Variants in TSHZ2 observed in about 807,000 individuals in gnomAD.
The protein encoded by TSHZ2 is teashirt homolog 2.
In TSHZ2, 21 loss-of-function variants were observed where a neutral mutation model predicts 74.4. The observed-to-expected ratio is 0.28, with a 90% CI of 0.20 to 0.41. The LOEUF is 0.41. Among genes scored for constraint, TSHZ2 ranks in the 10% least tolerant of loss-of-function variants. The pLI is 1.00. For synonymous variants in TSHZ2, 540 were observed against 515.3 expected, an observed-to-expected ratio of 1.05 and a Z score of -0.65; for missense variants, 1,244 against 1,293.5, an observed-to-expected ratio of 0.96 and a Z score of 0.59.
At chr20:53,463,270 A>G (rs1267542412) in intron 2 of TSHZ2, among the ~76,000 whole-genome samples, 1 of 152,016 alleles carries the variant, frequency 6.6e-6, no homozygotes, top group Non-Finnish European at 1.5e-5. Flanking sequence ...GATGCCTGCA[A>G]TCTTAGCACT....
In TSHZ2 at chr20:53,155,052, A is replaced by ATTTTTTTTTT. The variant is rs11475183; in HGVS notation, c.41-98433_41-98424dup. 5.5e-4 allele frequency among the ~76,000 whole-genome samples: 65 copies of ATTTTTTTTTT among 118,078 alleles called. 1 individual carries two copies. The highest frequency in any genetic ancestry group is 7.7e-4 in the Non-Finnish European group (44 of 57,294). The allele number at this position is 118,078 out of a possible 152,430, so 77.5% of individuals were successfully genotyped here. A position where few individuals can be genotyped will look rare whatever the true frequency, so the allele number is the denominator to read the frequency against. On this transcript the variant is annotated intron_variant, in intron 1 of 2. Transcript: ENST00000371497. ...TTCTAAGACAGGTGTTTGAATATGC[A>ATTTTTTTTTT]TTTTTTTTTTTTTTTTTTTTTTTAG...
At chr20:53,276,030 A>G (rs1461496599) in intron 2 of TSHZ2, among the ~76,000 whole-genome samples, 4 of 152,250 alleles carry the variant, frequency 2.6e-5, no homozygotes, top group Non-Finnish European at 5.9e-5. Context: ...AAAGTTAAGT[A>G]AAATAAGAAA....
chr20:53,492,239 C>G lies in TSHZ2; in HGVS notation c.*5104C>G, dbSNP rs1447757097. On this transcript the variant is annotated 3_prime_UTR_variant, in exon 3 of 3. Coordinates refer to ENST00000371497, the MANE Select transcript of TSHZ2 (RefSeq NM_173485.6). ...TACAATTATGTCTCAAATGTGAAGACTTTGTACAGTAATATTTTCACTTTC... is the reference window on the plus strand; with the variant it reads ...TACAATTATGTCTCAAATGTGAAGAGTTTGTACAGTAATATTTTCACTTTC... 6.6e-6 allele frequency: 1 copy of G among 152,152 alleles called. No homozygotes were observed. The highest frequency in any genetic ancestry group is 1.5e-5 in the Non-Finnish European group (1 of 68,032). The allele number at this position is 152,152 out of a possible 1,614,324, so 9.4% of individuals were successfully genotyped here.
At chr20:53,129,986 G>C (rs866634302) in intron 1 of TSHZ2, among the ~76,000 whole-genome samples, 2 of 151,682 alleles carry the variant, frequency 1.3e-5, no homozygotes, top group Non-Finnish European at 2.9e-5. Flanking sequence ...GCCGGCAAAA[G>C]GTGTTCTTAG....
chr20:53,009,671 A>G (rs1290569598), intron 1 of TSHZ2, among the ~76,000 whole-genome samples: 1 of 152,174 alleles, frequency 6.6e-6, no homozygotes, highest in Non-Finnish European at 1.5e-5. Context: ...TTTAGCCCCA[A>G]AGTTTAGAAG....
intron 1 of TSHZ2, among the ~76,000 whole-genome samples, chr20:53,011,879 G>T (rs1196433956): frequency 1.3e-5 from 2 of 152,054 alleles, no homozygotes; most frequent in Admixed American, 6.6e-5. Context: ...TTCCCAATAG[G>T]GTCATTCTTT....
intron 1 of TSHZ2, chr20:53,178,313 C>A (rs576693253): frequency 2.6e-5 from 4 of 152,362 alleles, no homozygotes; most frequent in Admixed American, 1.3e-4. Flanking sequence ...AGAAAGGCAG[C>A]ACAGCCCCTG....
intron 2 of TSHZ2, among the ~76,000 whole-genome samples, chr20:53,486,730 T>C (rs1042974305): frequency 6.6e-6 from 1 of 152,138 alleles, no homozygotes; most frequent in Admixed American, 6.5e-5. Flanking sequence ...AGAGGGTACA[T>C]GTGCAGTTTG....
chr20:53,032,842 G>T (rs1983687693), intron 1 of TSHZ2, among the ~76,000 whole-genome samples: 1 of 151,786 alleles, frequency 6.6e-6, no homozygotes, highest in African/African-American at 2.4e-5. Context: ...CATAAATCCT[G>T]CCCTTACCAC....
intron 1 of TSHZ2, among the ~76,000 whole-genome samples, chr20:53,202,965 C>T (rs1457799888): frequency 6.6e-6 from 1 of 152,080 alleles, no homozygotes; most frequent in Non-Finnish European, 1.5e-5. Flanking sequence ...TGTACAAAGC[C>T]ATTAGCGATG....
chr20:53,409,595 T>C (rs1379100655), intron 2 of TSHZ2, among the ~76,000 whole-genome samples: 2 of 152,200 alleles, frequency 1.3e-5, no homozygotes, highest in African/African-American at 4.8e-5. Context: ...TTCAGGATGT[T>C]GTTTGATAAA....
chr20:53,188,011 G>A lies in TSHZ2; in HGVS notation c.41-65488G>A, dbSNP rs1447901867. On this transcript the variant is annotated intron_variant, in intron 1 of 2. Transcript: ENST00000371497. ...AATGTGGCACGAAGCAAGTCTGGAA[G>A]ACTTTCTGTTCCTGGAACTGAAGGT... is the stretch of plus-strand genomic sequence containing the variant. Among the ~76,000 whole-genome samples the A allele has an allele frequency of 2.6e-5, 4 of 152,250 alleles. No individual in the cohort carries two copies. In the East Asian group the frequency reaches 7.7e-4, roughly 29 times the overall value.
rs527668481 is a variant in TSHZ2 at position 53,365,614 on chromosome 20, TCC to T, written c.*8+109047_*8+109048del. Among the ~76,000 whole-genome samples the T allele has an allele frequency of 9.5e-3, 1,439 of 152,238 alleles. 17 individuals are homozygous for T. Among genetic ancestry groups the T allele is most frequent in the Middle Eastern group, 0.027 (8 of 294 alleles). ...GGATCCTGACAAAGCAAAGGTGTGG[TCC>T]CCCACCTCAGGTGACAGGCAGTGGT... On this transcript the variant is annotated intron_variant, in intron 2 of 2. Transcript: ENST00000371497.
intron 1 of TSHZ2, among the ~76,000 whole-genome samples, chr20:53,015,707 T>C (rs1336154093): frequency 2.0e-5 from 3 of 152,084 alleles, no homozygotes; most frequent in African/African-American, 7.2e-5. Context: ...TTGGAAGAAA[T>C]GGAATCAGAA....
chr20:53,202,176 A>G (rs1163084204), intron 1 of TSHZ2, among the ~76,000 whole-genome samples: 1 of 152,054 alleles, frequency 6.6e-6, no homozygotes, highest in Non-Finnish European at 1.5e-5. Flanking sequence ...TACTCCTTTT[A>G]CCCATGACCT....
At chr20:53,271,751 G>A (rs1356385752) in intron 2 of TSHZ2, among the ~76,000 whole-genome samples, 1 of 152,230 alleles carries the variant, frequency 6.6e-6, no homozygotes, top group African/African-American at 2.4e-5. Flanking sequence ...AAGTGAGAGA[G>A]AGGGTGTGGT....
chr20:53,001,226 G>GTGTGTGTGTA (rs1555813609), intron 1 of TSHZ2, among the ~76,000 whole-genome samples: 20 of 146,720 alleles, frequency 1.4e-4, no homozygotes, highest in African/African-American at 5.0e-4. Context: ...GTGTGTGTGT[G>GTGTGTGTGTA]TGTGTGTGTG....
chr20:53,016,444 A>G (rs756494512), intron 1 of TSHZ2, among the ~76,000 whole-genome samples: 34 of 152,198 alleles, frequency 2.2e-4, no homozygotes, highest in Admixed American at 6.5e-5. Context: ...TTATTAGCCA[A>G]ATGTTAATTG....
At chr20:53,411,205 A>G (rs899687769) in intron 2 of TSHZ2, among the ~76,000 whole-genome samples, 3 of 152,158 alleles carry the variant, frequency 2.0e-5, no homozygotes, top group African/African-American at 7.2e-5. Flanking sequence ...GTTTTTCTAC[A>G]GCTAGGACCA....
Sources: gnomAD v4.1 joint callset for allele counts (sites outside exome capture counted in the v4.1 genomes callset) on GRCh38, gnomAD v4.1.1 for gene constraint, MANE v1.5 for transcripts, NCBI Gene and HGNC (gene_info 2026-07-23, HGNC 2026-07-21) for gene names.